The following LARGE1 variants were observed in gnomAD, a reference collection of about 807,000 sequenced individuals.
LARGE1 encodes the protein xylosyl- and glucuronyltransferase LARGE1.
Under a neutral mutation model 87.6 loss-of-function variants are expected in LARGE1, and 43 were observed. That is an observed-to-expected ratio of 0.49 (90% CI 0.38 to 0.63). LARGE1 has a LOEUF of 0.63. Among genes scored for constraint, LARGE1 ranks in the 30% least tolerant of loss-of-function variants. LARGE1 has a pLI of 0.00. For missense variants in LARGE1, 802 were observed against 1,000.2 expected, an observed-to-expected ratio of 0.80 and a Z score of 2.67; for synonymous variants, 434 against 394.6, an observed-to-expected ratio of 1.10 and a Z score of -1.18.
intron 1 of LARGE1, among the ~76,000 whole-genome samples, chr22:33,815,788 G>A (rs192334720): frequency 3.3e-5 from 5 of 152,272 alleles, no homozygotes; most frequent in East Asian, 1.9e-4. Flanking sequence ...CCATGCAGAC[G>A]GCTCAGCAGA....
At chr22:33,809,408 T>C (rs769276048) in intron 1 of LARGE1, among the ~76,000 whole-genome samples, 11 of 152,226 alleles carry the variant, frequency 7.2e-5, no homozygotes, top group Non-Finnish European at 1.5e-4. Flanking sequence ...TCAGAGAATA[T>C]GCCTGTTTTG....
intron 7 of LARGE1, among the ~76,000 whole-genome samples, chr22:33,403,728 C>G (rs1460499313): frequency 6.6e-6 from 1 of 152,036 alleles, no homozygotes; most frequent in Non-Finnish European, 1.5e-5. Flanking sequence ...CTCAGCCTCC[C>G]GAGTAGCTGG....
chr22:33,188,343 G>T (rs1470919107), intron 11 of LARGE1, among the ~76,000 whole-genome samples: 1 of 151,994 alleles, frequency 6.6e-6, no homozygotes, highest in African/African-American at 2.4e-5. Flanking sequence ...TGCTCATTTT[G>T]AACCGGGTCA....
intron 4 of LARGE1, among the ~76,000 whole-genome samples, chr22:33,618,106 A>T (rs1421269234): frequency 6.6e-6 from 1 of 152,246 alleles, no homozygotes; most frequent in East Asian, 1.9e-4. Flanking sequence ...ATTCTCAGTG[A>T]ATCTGTTGCA....
intron 1 of LARGE1, among the ~76,000 whole-genome samples, chr22:33,797,044 G>A (rs955996179): frequency 3.9e-5 from 6 of 152,200 alleles, no homozygotes; most frequent in South Asian, 4.1e-4. Flanking sequence ...GATCACAGGC[G>A]TGAGCCACCA....
chr22:33,106,141 C>G, the LARGE1 span: 1 of 152,224 alleles, frequency 6.6e-6, no homozygotes, highest in Non-Finnish European at 1.5e-5. Context: ...GGAATTCCGA[C>G]GTGGCCTATG....
At chr22:33,217,274 A>T (rs1326635160) in intron 11 of LARGE1, among the ~76,000 whole-genome samples, 1 of 151,878 alleles carries the variant, frequency 6.6e-6, no homozygotes, top group Non-Finnish European at 1.5e-5. Flanking sequence ...GTAGTTCTCC[A>T]GGACTGATAG....
At chr22:33,628,375 G>C (rs1221632457) in intron 3 of LARGE1, among the ~76,000 whole-genome samples, 1 of 150,518 alleles carries the variant, frequency 6.6e-6, no homozygotes, top group Non-Finnish European at 1.5e-5. Flanking sequence ...GGAATGAAGT[G>C]GCACTATCTC....
intron 6 of LARGE1, among the ~76,000 whole-genome samples, chr22:33,558,788 A>G (rs1018720450): frequency 3.9e-5 from 6 of 152,216 alleles, no homozygotes; most frequent in African/African-American, 1.4e-4. Flanking sequence ...TAATACTTCA[A>G]TGTTCTTCAT....
downstream of LARGE1, among the ~76,000 whole-genome samples, chr22:33,272,029 C>T (rs1284154586): frequency 6.6e-6 from 1 of 152,164 alleles, no homozygotes; most frequent in Non-Finnish European, 1.5e-5. Context: ...ATTTAGATGA[C>T]AAATTACATG....
intron 9 of LARGE1, 150 bp from the exon 10 acceptor site, chr22:33,337,951 G>C: frequency 1.2e-6 from 1 of 845,508 alleles, no homozygotes; most frequent in Non-Finnish European, 1.9e-6. Flanking sequence ...GTGGTTAAGG[G>C]TAGGGGCTCG....
intron 1 of LARGE1, among the ~76,000 whole-genome samples, chr22:33,851,839 G>A (rs2063591785): frequency 6.6e-6 from 1 of 152,228 alleles, no homozygotes; most frequent in Non-Finnish European, 1.5e-5. Flanking sequence ...GAGGCAGGAG[G>A]AACAGAATGA....
intron 6 of LARGE1, among the ~76,000 whole-genome samples, chr22:33,500,938 C>T (rs2070395486): frequency 6.6e-6 from 1 of 152,144 alleles, no homozygotes; most frequent in South Asian, 2.1e-4. Flanking sequence ...TAGGTGCTAG[C>T]TCAGGGGAGA....
At chr22:33,512,957 G>T (rs1002574830) in intron 6 of LARGE1, among the ~76,000 whole-genome samples, 21 of 151,972 alleles carry the variant, frequency 1.4e-4, no homozygotes, top group Non-Finnish European at 2.8e-4. Flanking sequence ...TTTTTAAATT[G>T]TTTTTTAAAT....
At chr22:33,350,626 G>A (rs552011705) in intron 9 of LARGE1, among the ~76,000 whole-genome samples, 2 of 152,258 alleles carry the variant, frequency 1.3e-5, no homozygotes, top group South Asian at 4.2e-4. Flanking sequence ...CATGCCCTTG[G>A]GGGTGGGCAC....
chr22:33,735,609 C>T (rs2083628536), intron 2 of LARGE1, among the ~76,000 whole-genome samples: 1 of 152,178 alleles, frequency 6.6e-6, no homozygotes. Context: ...GTTTTGCCTT[C>T]AGCAGCTCCA....
chr22:33,866,148 G>A (rs2064096166), intron 1 of LARGE1, among the ~76,000 whole-genome samples: 1 of 151,906 alleles, frequency 6.6e-6, no homozygotes, highest in Admixed American at 6.6e-5. Flanking sequence ...CTACCCCATG[G>A]TGGATGGATG....
intron 6 of LARGE1, among the ~76,000 whole-genome samples, chr22:33,435,031 T>C (rs1257261690): frequency 6.6e-6 from 1 of 152,178 alleles, no homozygotes; most frequent in African/African-American, 2.4e-5. Context: ...GATGGAGTCT[T>C]GCTCTGTCGC....
chr22:33,154,245 T>C, the LARGE1 span, among the ~76,000 whole-genome samples: 1 of 152,106 alleles, frequency 6.6e-6, no homozygotes, highest in Non-Finnish European at 1.5e-5. Context: ...TGTTTTGTTG[T>C]TGTTATTGTT....
Sources: gnomAD v4.1 joint callset for allele counts (sites outside exome capture counted in the v4.1 genomes callset) on GRCh38, gnomAD v4.1.1 for gene constraint, MANE v1.5 for transcripts, NCBI Gene and HGNC (gene_info 2026-07-23, HGNC 2026-07-21) for gene names.